Variants in MB21D2 observed in about 807,000 individuals in gnomAD.
MB21D2 encodes Mab-21 domain containing 2, also known as nucleotidyltransferase MB21D2.
A neutral mutation model predicts 33.3 loss-of-function variants in MB21D2; 9 were observed. The observed-to-expected ratio is 0.27, with a 90% CI of 0.16 to 0.47. The LOEUF is 0.47. MB21D2 is among the 20% of genes least tolerant of loss of function. MB21D2 has a pLI of 0.99. For missense variants in MB21D2, 540 were observed against 624.6 expected (o/e 0.86, Z 1.44); for synonymous variants, 241 against 236.3 (o/e 1.02, Z -0.18).
At chr3:192,897,693 T>C (rs1714008211) in intron 1 of MB21D2, among the ~76,000 whole-genome samples, 1 of 151,982 alleles carries the variant, frequency 6.6e-6, no homozygotes, top group Admixed American at 6.6e-5. Flanking sequence ...CTGACGTATG[T>C]AAAATAAAAA....
At chr3:192,914,780 C>T (rs1171090217) in intron 1 of MB21D2, among the ~76,000 whole-genome samples, 1 of 152,076 alleles carries the variant, frequency 6.6e-6, no homozygotes, top group East Asian at 1.9e-4. Flanking sequence ...CAGTGACCAC[C>T]AGCAAGCTCA....
intron 1 of MB21D2, among the ~76,000 whole-genome samples, chr3:192,816,353 T>C (rs1411896137): frequency 1.3e-5 from 2 of 152,128 alleles, no homozygotes; most frequent in East Asian, 3.9e-4. Flanking sequence ...CCAAGTCTTG[T>C]TATGACAGTA....
At chr3:192,904,069 T>C (rs1310723323) in intron 1 of MB21D2, among the ~76,000 whole-genome samples, 4 of 152,204 alleles carry the variant, frequency 2.6e-5, no homozygotes, top group Admixed American at 2.6e-4. Flanking sequence ...TTCCTCATAG[T>C]GTTGGTGTTA....
At chr3:192,800,339 C>G (rs1432570219) in intron 1 of MB21D2, among the ~76,000 whole-genome samples, 1 of 152,102 alleles carries the variant, frequency 6.6e-6, no homozygotes, top group Non-Finnish European at 1.5e-5. Flanking sequence ...TCGGCTTCCC[C>G]CAAGTGCTGG....
intron 1 of MB21D2, among the ~76,000 whole-genome samples, chr3:192,822,146 A>G (rs1292677049): frequency 2.1e-5 from 3 of 145,300 alleles, no homozygotes; most frequent in African/African-American, 7.5e-5. Flanking sequence ...AGCTAATTAA[A>G]TGTGCCACAA....
intron 1 of MB21D2, among the ~76,000 whole-genome samples, chr3:192,883,784 T>C (rs1713661363): frequency 1.3e-5 from 2 of 152,146 alleles, no homozygotes; most frequent in Non-Finnish European, 2.9e-5. Context: ...ACATAACTAT[T>C]AAATAGTTCC....
intron 1 of MB21D2, among the ~76,000 whole-genome samples, chr3:192,809,048 G>T (rs1711729511): frequency 2.0e-5 from 3 of 152,088 alleles, no homozygotes; most frequent in Admixed American, 2.0e-4. Flanking sequence ...ATGCTTACCT[G>T]TGTCATCTCG....
chr3:192,844,559 A>G (rs1251949581), intron 1 of MB21D2, among the ~76,000 whole-genome samples: 1 of 152,078 alleles, frequency 6.6e-6, no homozygotes, highest in East Asian at 1.9e-4. Flanking sequence ...CCACCCATCC[A>G]CTTCTGTGTA....
intron 1 of MB21D2, among the ~76,000 whole-genome samples, chr3:192,907,571 G>A (rs1714240245): frequency 6.6e-6 from 1 of 152,102 alleles, no homozygotes; most frequent in African/African-American, 2.4e-5. Flanking sequence ...ACCTCCCAGA[G>A]TCTCAGTACT....
intron 1 of MB21D2, among the ~76,000 whole-genome samples, chr3:192,890,507 G>A (rs984896326): frequency 2.0e-5 from 3 of 149,902 alleles, no homozygotes; most frequent in South Asian, 2.1e-4. Flanking sequence ...GGACAAAAGC[G>A]AAACCTGAAC....
chr3:192,896,759 T>A (rs1336645248), intron 1 of MB21D2, among the ~76,000 whole-genome samples: 2 of 152,200 alleles, frequency 1.3e-5, no homozygotes, highest in Non-Finnish European at 2.9e-5. Context: ...TTACTGAGTA[T>A]CTCAACAGGC....
At chr3:192,854,247 G>C (rs938236656) in intron 1 of MB21D2, among the ~76,000 whole-genome samples, 2 of 152,212 alleles carry the variant, frequency 1.3e-5, no homozygotes, top group African/African-American at 4.8e-5. Flanking sequence ...GAAATTAAAA[G>C]TGCTACCCCA....
chr3:192,888,430 C>T (rs116497731), intron 1 of MB21D2, among the ~76,000 whole-genome samples: 2,845 of 152,160 alleles, frequency 0.019, 44 homozygotes, highest in Admixed American at 0.029. Flanking sequence ...CATTAAAGCA[C>T]GCGCGCTCCT....
chr3:192,893,169 C>G (rs1177859138), intron 1 of MB21D2, among the ~76,000 whole-genome samples: 1 of 152,146 alleles, frequency 6.6e-6, no homozygotes, highest in East Asian at 1.9e-4. Context: ...CAAAGCACCC[C>G]TGGAGTTTAA....
In MB21D2 at chr3:192,799,342, C is replaced by G. The variant is rs373866312; in HGVS notation, c.520G>C (p.Ala174Pro). The G allele has an allele frequency of 3.6e-5, 58 of 1,614,232 alleles. No homozygotes were observed. The highest frequency in any genetic ancestry group is 4.7e-5 in the Non-Finnish European group (56 of 1,180,046). ...GTAGGTGAGAAGAAGTAGTTGGTGGCACCATTGATGTGATCTACAATGGTG... is the reference window on the plus strand; with the variant it reads ...GTAGGTGAGAAGAAGTAGTTGGTGGGACCATTGATGTGATCTACAATGGTG... ...CCTIVDHING[A>P]TNYFFSPTKV... Residue 174 changes from alanine (A) to proline (P), a missense_variant, in exon 2 of 2, where the codon GCC (alanine) becomes CCC (proline). By Grantham distance (27) the Ala-to-Pro change is conservative (BLOSUM62 -1). Coordinates refer to ENST00000392452, the MANE Select transcript of MB21D2 (RefSeq NM_178496.4). This position sits in a 1 kb window ranked among gnomAD's most constrained non-coding sequence, Gnocchi z 4.1.
At chr3:192,915,881 C>G (rs1031788418) in intron 1 of MB21D2, among the ~76,000 whole-genome samples, 8 of 152,058 alleles carry the variant, frequency 5.3e-5, no homozygotes, top group African/African-American at 1.9e-4. Context: ...AGTAAATGAC[C>G]TACGCAAGTG....
chr3:192,858,823 T>A (rs1712974850), intron 1 of MB21D2, among the ~76,000 whole-genome samples: 1 of 152,204 alleles, frequency 6.6e-6, no homozygotes, highest in South Asian at 2.1e-4. Flanking sequence ...TTTACAGGTA[T>A]ACAGGTATTG....
At chr3:192,896,202 C>G (rs1373693776) in intron 1 of MB21D2, among the ~76,000 whole-genome samples, 1 of 152,178 alleles carries the variant, frequency 6.6e-6, no homozygotes, top group African/African-American at 2.4e-5. Context: ...TCTTTTATCC[C>G]TGTTACAATG....
intron 1 of MB21D2, among the ~76,000 whole-genome samples, chr3:192,854,180 G>T (rs1333158528): frequency 1.3e-5 from 2 of 152,234 alleles, no homozygotes; most frequent in African/African-American, 4.8e-5. Flanking sequence ...CTGAAAGGCA[G>T]GCCCCTTGTG....
Sources: allele counts gnomAD v4.1 joint callset (sites outside exome capture counted in the v4.1 genomes callset), GRCh38; gene constraint gnomAD v4.1.1; non-coding constraint Gnocchi (gnomAD v3.1); transcripts MANE v1.5; gene names NCBI Gene and HGNC (gene_info 2026-07-23, HGNC 2026-07-21).